The following NLGN4Y variants were observed in gnomAD, a reference collection of about 807,000 sequenced individuals.
NLGN4Y encodes the protein neuroligin 4 Y-linked, also known as neuroligin-4, Y-linked.
In NLGN4Y, 4 loss-of-function variants were observed where a neutral mutation model predicts 8.4. The ratio of observed to expected loss-of-function variants is 0.48; its 90% CI spans 0.23 to 1.09. The LOEUF is 1.09. NLGN4Y is among the 50% of genes least tolerant of loss of function. NLGN4Y has a pLI of 0.19. For synonymous variants in NLGN4Y, 35 were observed against 75.6 expected (o/e 0.46, Z 2.78); for missense variants, 90 against 192.3 (o/e 0.47, Z 3.15).
intron 2 of NLGN4Y, among the ~76,000 whole-genome samples, chrY:14,630,252 T>G: frequency 3.1e-5 from 1 of 32,644 alleles, no homozygotes; most frequent in Admixed American, 2.8e-4. Context: ...GAGATCAGAG[T>G]TGGAGTAAAG....
intron 5 of NLGN4Y, among the ~76,000 whole-genome samples, chrY:14,827,675 G>T (rs2043153831): frequency 3.0e-5 from 1 of 33,240 alleles, no homozygotes; most frequent in East Asian, 8.0e-4. Context: ...CCAGCTACTT[G>T]GGATGTTGAA....
At chrY:14,747,045 C>T in intron 4 of NLGN4Y, among the ~76,000 whole-genome samples, 1 of 31,451 alleles carries the variant, frequency 3.2e-5, no homozygotes. Flanking sequence ...GTTTAGAATA[C>T]AGGGAGAGCT....
At chrY:14,798,866 T>G in intron 4 of NLGN4Y, among the ~76,000 whole-genome samples, 1 of 34,324 alleles carries the variant, frequency 2.9e-5, no homozygotes, top group Non-Finnish European at 7.3e-5. Context: ...CATGCCCAAG[T>G]CTATGTTTAT....
chrY:14,578,743 C>A (rs2080306485), intron 1 of NLGN4Y, among the ~76,000 whole-genome samples: 3 of 33,390 alleles, frequency 9.0e-5, no homozygotes, highest in Non-Finnish European at 2.2e-4. Context: ...CGCCAGGCAC[C>A]ATCTCCAACA....
chrY:14,720,107 C>T, intron 3 of NLGN4Y, among the ~76,000 whole-genome samples: 1 of 33,378 alleles, frequency 3.0e-5, no homozygotes, highest in Non-Finnish European at 7.4e-5. Flanking sequence ...TGTTAACAAG[C>T]CCTGATTCTT....
At chrY:14,662,804 C>T (rs2080679937) in intron 2 of NLGN4Y, among the ~76,000 whole-genome samples, 1 of 33,068 alleles carries the variant, frequency 3.0e-5, no homozygotes, top group Admixed American at 2.8e-4. Flanking sequence ...ACATGCAATG[C>T]GTAATGATCG....
intron 2 of NLGN4Y, among the ~76,000 whole-genome samples, chrY:14,681,099 C>T: frequency 2.1e-4 from 7 of 33,493 alleles, no homozygotes; most frequent in Admixed American, 1.9e-3. Flanking sequence ...ATGGTAAAAG[C>T]GAAGAACCAA....
At chrY:14,719,400 A>G in intron 2 of NLGN4Y, 59 bp from the exon 3 acceptor site, 1 of 185,236 alleles carries the variant, frequency 5.4e-6, no homozygotes, top group Non-Finnish European at 8.5e-6. Flanking sequence ...ATTTTTTGCA[A>G]ACATATTGTT....
intron 4 of NLGN4Y, among the ~76,000 whole-genome samples, chrY:14,815,358 G>A (rs1023344815): frequency 2.2e-3 from 71 of 32,935 alleles, no homozygotes; most frequent in Non-Finnish European, 3.3e-3. Flanking sequence ...TGGGGATGCT[G>A]CTGCAAGGGG....
At chrY:14,791,438 C>T (rs2150579666) in intron 4 of NLGN4Y, among the ~76,000 whole-genome samples, 3 of 33,273 alleles carry the variant, frequency 9.0e-5, no homozygotes, top group Non-Finnish European at 2.2e-4. Flanking sequence ...TAACCCTTGA[C>T]TCTTGACCCC....
chrY:14,552,769 G>A, intron 1 of NLGN4Y, among the ~76,000 whole-genome samples: 2 of 33,292 alleles, frequency 6.0e-5, no homozygotes, highest in Non-Finnish European at 1.5e-4. Context: ...TTAATGGAAC[G>A]TATCTCTAAT....
At chrY:14,794,804 T>C (rs772689293) in intron 4 of NLGN4Y, among the ~76,000 whole-genome samples, 13 of 34,106 alleles carry the variant, frequency 3.8e-4, no homozygotes, top group Non-Finnish European at 6.6e-4. Flanking sequence ...ACGTTCACTA[T>C]ACTGAGTCCA....
chrY:14,702,062 C>G, intron 2 of NLGN4Y, among the ~76,000 whole-genome samples: 6 of 30,959 alleles, frequency 1.9e-4, no homozygotes, highest in Non-Finnish European at 3.9e-4. Flanking sequence ...TCAATATTGC[C>G]CAGACTGTTC....
Position 14,841,330 on chromosome Y carries a change from A to G in NLGN4Y, c.*68A>G, listed in dbSNP as rs756912026. The G allele has an allele frequency of 2.7e-6, 1 of 369,219 alleles. No homozygotes were observed. Among genetic ancestry groups the G allele is most frequent in the Non-Finnish European group, 3.8e-6 (1 of 261,666 alleles). The allele number at this position is 369,219 out of a possible 400,897, so 92.1% of individuals were successfully genotyped here. A position where few individuals can be genotyped will look rare whatever the true frequency, so the allele number is the denominator to read the frequency against. On this transcript the variant is annotated 3_prime_UTR_variant, in exon 7 of 7. Transcript: ENST00000684976. ...AGCAATGTAAAAGAGACAAATAAGG[A>G]GAAAGAAAATCTCCAAACCAGGAAT...
intron 5 of NLGN4Y, among the ~76,000 whole-genome samples, chrY:14,826,578 G>A (rs2043147639): frequency 3.1e-5 from 1 of 32,484 alleles, no homozygotes; most frequent in Non-Finnish European, 7.5e-5. Context: ...TTGACCTGAT[G>A]TGATCCGCCT....
At chrY:14,832,158 G>T in intron 6 of NLGN4Y, among the ~76,000 whole-genome samples, 1 of 34,717 alleles carries the variant, frequency 2.9e-5, no homozygotes, top group Non-Finnish European at 7.2e-5. Context: ...CTCTCAGACT[G>T]CAGTGGCCCT....
intron 4 of NLGN4Y, among the ~76,000 whole-genome samples, chrY:14,758,352 A>G (rs772847815): frequency 3.0e-5 from 1 of 33,832 alleles, no homozygotes; most frequent in African/African-American, 1.1e-4. Flanking sequence ...CTTAGATGCT[A>G]TGAAGGTAGA....
At chrY:14,638,853 T>G (rs2080578157) in intron 2 of NLGN4Y, among the ~76,000 whole-genome samples, 1 of 33,888 alleles carries the variant, frequency 3.0e-5, no homozygotes, top group Non-Finnish European at 7.3e-5. Flanking sequence ...GGGTTTTGAG[T>G]TGACTTGTGT....
At chrY:14,681,447 C>G in intron 2 of NLGN4Y, among the ~76,000 whole-genome samples, 1 of 32,757 alleles carries the variant, frequency 3.1e-5, no homozygotes, top group Non-Finnish European at 7.5e-5. Flanking sequence ...GGACCCTCCC[C>G]CAACACATGG....
Sources: allele counts gnomAD v4.1 joint callset (sites outside exome capture counted in the v4.1 genomes callset), GRCh38; gene constraint gnomAD v4.1.1; transcripts MANE v1.5; gene names NCBI Gene and HGNC (gene_info 2026-07-23, HGNC 2026-07-21).